The following ABCG8 variants were observed in gnomAD, a reference collection of about 807,000 sequenced individuals.
The protein encoded by ABCG8 is ATP binding cassette subfamily G member 8.
In ABCG8, 81 loss-of-function variants were observed where a neutral mutation model predicts 71.3. The ratio of observed to expected loss-of-function variants is 1.14; its 90% CI spans 0.95 to 1.37. The LOEUF (loss-of-function observed/expected upper bound fraction) is 1.37. ABCG8 is among the 40% of genes most tolerant of loss of function. ABCG8 has a pLI of 0.00. For missense variants in ABCG8, 1,119 were observed against 866.2 expected, an observed-to-expected ratio of 1.29 and a Z score of -3.66; for synonymous variants, 451 against 354.7, an observed-to-expected ratio of 1.27 and a Z score of -3.05.
Position 43,875,421 on chromosome 2 carries a change from C to T in ABCG8, c.1756+8C>T. ...TGAGCAGCCTGTGGACAGGTAAGGC[C>T]TGCCCCCGGGGCCTGGGCCAGCTTT... On this transcript the variant is annotated splice_region_variant and intron_variant, in intron 11 of 12. Coordinates refer to ENST00000272286, the MANE Select transcript of ABCG8 (RefSeq NM_022437.3). 6.2e-7 allele frequency: 1 copy of T among 1,611,606 alleles called. No individual in the cohort carries two copies. The highest frequency in any genetic ancestry group is 8.5e-7 in the Non-Finnish European group (1 of 1,178,324).
At chr2:43,844,277 C>T (rs1356082845) in intron 1 of ABCG8, among the ~76,000 whole-genome samples, 3 of 152,112 alleles carry the variant, frequency 2.0e-5, no homozygotes, top group Admixed American at 1.3e-4. Context: ...GAAGGTGCCC[C>T]GGGAGAAGCC....
At position 43,873,808 on chromosome 2, in the gene ABCG8, C is replaced by A; in HGVS notation, c.1233C>A (p.Phe411Leu). ...TLIRRQISND[F>L]RDLPTLLIHG... The stretch of plus-strand genomic sequence containing the variant: ...TAAGTCGTCAGATTTCCAACGACTT[C>A]CGAGACCTGCCCACCCTCCTCATCC... Residue 411 changes from phenylalanine to leucine, a missense_variant, in exon 9 of 13, where the codon TTC (phenylalanine) becomes TTA (leucine). Coordinates refer to ENST00000272286, the MANE Select transcript of ABCG8 (RefSeq NM_022437.3). 1 of 1,614,206 alleles carries A rather than the reference C, an allele frequency of 6.2e-7. No individual in the cohort carries two copies. Among genetic ancestry groups the A allele is most frequent in the Non-Finnish European group, 8.5e-7 (1 of 1,180,046 alleles).
intron 10 of ABCG8, 128 bp downstream of exon 10, chr2:43,874,611 C>T (rs1173106551): frequency 2.6e-6 from 2 of 767,962 alleles, no homozygotes; most frequent in Admixed American, 4.0e-5. Context: ...TCACCGATGC[C>T]ACCAGATGCC....
rs914697800 is a variant in ABCG8, at chr2:43,869,661, C to A, written c.965-2315C>A. ...ACTGTCACCCTGTGGATAGAAATTT[C>A]TCTATCTATCTGGATAGAATTCTCC... On this transcript the variant is annotated intron_variant, in intron 6 of 12. Coordinates refer to ENST00000272286, the MANE Select transcript of ABCG8 (RefSeq NM_022437.3). Among the ~76,000 whole-genome samples, 8 of 151,900 alleles carry A rather than the reference C, an allele frequency of 5.3e-5. 1 individual carries two copies. The highest frequency in any genetic ancestry group is 8.8e-5 in the Non-Finnish European group (6 of 67,946).
At position 43,874,476 on chromosome 2, in the gene ABCG8, T is replaced by C. The variant is rs1669891030; in HGVS notation, c.1481T>C (p.Phe494Ser). 2 of 1,612,572 alleles carry C rather than the reference T, an allele frequency of 1.2e-6. No homozygotes were observed. The highest frequency in any genetic ancestry group is 1.7e-5 in the Admixed American group (1 of 59,828). The change falls in exon 10 of 13, where the codon TTT becomes TCT. Residue 494 changes from phenylalanine (F) to serine (S), a missense_variant. Transcript: ENST00000272286. Reference protein sequence around the residue: ...DGLYTTGPYFFAKILGELPEH... With the variant: ...DGLYTTGPYFSAKILGELPEH... ...CTGTACACCACTGGTCCATATTTCT[T>C]TGCCAAGGTGACTGGGCAGGGTTGA...
chr2:43,868,299 C>G (rs560718601), intron 6 of ABCG8, among the ~76,000 whole-genome samples: 2 of 151,940 alleles, frequency 1.3e-5, no homozygotes, highest in African/African-American at 4.8e-5. Flanking sequence ...GGATAGAATT[C>G]TCACCATCTG....
At chr2:43,875,473 C>T (rs922189098) in intron 11 of ABCG8, 60 bp downstream of exon 11, 3 of 1,572,500 alleles carry the variant, frequency 1.9e-6, no homozygotes, top group African/African-American at 2.7e-5. Context: ...CTGGATGAAG[C>T]CTGCTTTCAT....
At chr2:43,857,095 C>T (rs1448607314) in intron 6 of ABCG8, among the ~76,000 whole-genome samples, 3 of 151,384 alleles carry the variant, frequency 2.0e-5, no homozygotes, top group Non-Finnish European at 4.4e-5. Flanking sequence ...TTCTATCTGT[C>T]TGGTTAGAAT....
intron 6 of ABCG8, among the ~76,000 whole-genome samples, chr2:43,863,476 C>T (rs1337545343): frequency 6.7e-6 from 1 of 148,506 alleles, no homozygotes; most frequent in Non-Finnish European, 1.5e-5. Flanking sequence ...ATAAAACTCT[C>T]ACTATCTTTC....
In ABCG8 at chr2:43,874,471, T is replaced by A. The variant is rs370422066; in HGVS notation, c.1476T>A (p.Tyr492Ter). 1.6e-5 allele frequency: 26 copies of A among 1,613,238 alleles called. 1 individual carries two copies. The highest frequency in any genetic ancestry group is 1.0e-4 in the Admixed American group (6 of 59,904). Reference sequence around the variant, plus strand: ...ACGGGCTGTACACCACTGGTCCATATTTCTTTGCCAAGGTGACTGGGCAGG... The same window carrying A: ...ACGGGCTGTACACCACTGGTCCATAATTCTTTGCCAAGGTGACTGGGCAGG... ...LEDGLYTTGP[Y>*]FFAKILGELP... is the part of the protein sequence containing the mutation. Residue 492 changes from tyrosine to a stop codon, truncating the protein, a stop_gained, in exon 10 of 13, where the codon TAT (tyrosine) becomes TAA (stop). Coordinates refer to ENST00000272286, the MANE Select transcript of ABCG8 (RefSeq NM_022437.3). LOFTEE classifies it high-confidence loss of function.
chr2:43,844,835 A>G (rs751628943), intron 2 of ABCG8, among the ~76,000 whole-genome samples: 1 of 152,228 alleles, frequency 6.6e-6, no homozygotes, highest in Admixed American at 6.5e-5. Context: ...TTGTATAAAC[A>G]TAAAACAAAA....
At chr2:43,844,454 C>T (rs926403689) in intron 1 of ABCG8, 53 bp from the exon 2 acceptor site, 29 of 1,454,500 alleles carry the variant, frequency 2.0e-5, no homozygotes, top group Non-Finnish European at 2.6e-5. Context: ...TTGTCTTCTC[C>T]TATGTTCTCA....
At chr2:43,843,447 G>A (rs1215550664) in intron 1 of ABCG8, among the ~76,000 whole-genome samples, 1 of 152,152 alleles carries the variant, frequency 6.6e-6, no homozygotes, top group East Asian at 1.9e-4. Context: ...ACAGCACTTT[G>A]GGATGCTGAG....
chr2:43,863,824 T>A (rs1414550594), intron 6 of ABCG8, among the ~76,000 whole-genome samples: 2 of 151,620 alleles, frequency 1.3e-5, no homozygotes, highest in African/African-American at 4.8e-5. Flanking sequence ...CTGGATAGAA[T>A]TCTCACTCTC....
intron 6 of ABCG8, among the ~76,000 whole-genome samples, chr2:43,856,354 C>T (rs1669106792): frequency 7.4e-6 from 1 of 135,566 alleles, no homozygotes; most frequent in South Asian, 2.5e-4. Flanking sequence ...AGAACTCTCA[C>T]ACCCTGTCTG....
Position 43,872,366 on chromosome 2 carries a change from A to G in ABCG8, c.1211+60A>G, listed in dbSNP as rs962289791. 43 of 1,512,068 alleles carry G rather than the reference A, an allele frequency of 2.8e-5. 1 individual carries two copies. The highest frequency in any genetic ancestry group is 3.7e-5 in the Non-Finnish European group (41 of 1,104,934). The allele number at this position is 1,512,068 out of a possible 1,614,324, so 93.7% of individuals were successfully genotyped here. ...CCCTGCCCAAGTCTTTGTATATCAC[A>G]TTAAGCCCTTTCTATTAAAGTGAAT... On this transcript the variant is annotated intron_variant, in intron 8 of 12. Coordinates refer to ENST00000272286, the MANE Select transcript of ABCG8 (RefSeq NM_022437.3).
Position 43,882,122 on chromosome 2 carries a change from T to G in ABCG8, c.*4209T>G, listed in dbSNP as rs1254508003. ...GGAATTTTAATTAAACAGAAAATAA[T>G]CACCAATATTGGCTCAAATATTTCC... On this transcript the variant is annotated 3_prime_UTR_variant, in exon 13 of 13. Coordinates refer to ENST00000272286, the MANE Select transcript of ABCG8 (RefSeq NM_022437.3). 6.6e-6 allele frequency: 1 copy of G among 152,182 alleles called. No individual in the cohort carries two copies. Among genetic ancestry groups the G allele is most frequent in the Non-Finnish European group, 1.5e-5 (1 of 68,028 alleles). 9.4% of individuals were successfully genotyped at this position (152,182 alleles called of 1,614,324 possible). A position where few individuals can be genotyped will look rare whatever the true frequency, so the allele number is the denominator to read the frequency against.
At position 43,846,318 on chromosome 2, in the gene ABCG8, G is replaced by A. The variant is rs755682540; in HGVS notation, c.322+7G>A. 1 of 1,614,164 alleles carries A rather than the reference G, an allele frequency of 6.2e-7. No individual in the cohort carries two copies. The highest frequency in any genetic ancestry group is 8.5e-7 in the Non-Finnish European group (1 of 1,180,030). On this transcript the variant is annotated splice_region_variant and intron_variant, in intron 3 of 12. Coordinates refer to ENST00000272286, the MANE Select transcript of ABCG8 (RefSeq NM_022437.3). Reference sequence around the variant, plus strand: ...GCCATCATAGGGAGCTCAGGTACCGGAAAGGCAAATCGCTGGGCAATGGTT... The same window carrying A: ...GCCATCATAGGGAGCTCAGGTACCGAAAAGGCAAATCGCTGGGCAATGGTT...
intron 2 of ABCG8, among the ~76,000 whole-genome samples, chr2:43,845,741 C>T (rs1255575998): frequency 6.6e-6 from 1 of 152,166 alleles, no homozygotes; most frequent in East Asian, 1.9e-4. Flanking sequence ...CCTGCCTCAG[C>T]CTCCCAAGTA....
Sources: allele counts gnomAD v4.1 joint callset (sites outside exome capture counted in the v4.1 genomes callset), GRCh38; gene constraint gnomAD v4.1.1; transcripts MANE v1.5; gene names NCBI Gene and HGNC (gene_info 2026-07-23, HGNC 2026-07-21).